The following SLCO3A1 variants were observed in gnomAD, a reference collection of about 807,000 sequenced individuals.
SLCO3A1 encodes the protein PGE1 transporter.
A neutral mutation model predicts 63.1 loss-of-function variants in SLCO3A1; 27 were observed. The observed-to-expected ratio is 0.43, with a 90% CI of 0.32 to 0.59. The LOEUF is 0.59. Among genes scored for constraint, SLCO3A1 ranks in the 20% least tolerant of loss-of-function variants. The pLI is 0.09. For missense variants in SLCO3A1, 773 were observed against 945.8 expected (o/e 0.82, Z 2.40); for synonymous variants, 473 against 409.9 (o/e 1.15, Z -1.86).
At chr15:91,972,660 C>T (rs573202079) in intron 2 of SLCO3A1, among the ~76,000 whole-genome samples, 10 of 152,302 alleles carry the variant, frequency 6.6e-5, no homozygotes, top group South Asian at 2.1e-4. Flanking sequence ...ATCTTCAGTA[C>T]GGTGGATTTA....
At chr15:91,879,269 T>G (rs1897489211) in intron 1 of SLCO3A1, among the ~76,000 whole-genome samples, 1 of 151,758 alleles carries the variant, frequency 6.6e-6, no homozygotes, top group South Asian at 2.1e-4. Flanking sequence ...ACTTACACTG[T>G]GATATGCTTG....
At chr15:91,925,477 T>G (rs910461020) in intron 2 of SLCO3A1, among the ~76,000 whole-genome samples, 5 of 125,844 alleles carry the variant, frequency 4.0e-5, no homozygotes, top group Non-Finnish European at 9.4e-5. Flanking sequence ...AGTACCTTGT[T>G]TTTTTTTTTT....
intron 3 of SLCO3A1, among the ~76,000 whole-genome samples, chr15:92,102,633 G>C (rs1212956254): frequency 6.6e-6 from 1 of 152,162 alleles, no homozygotes; most frequent in Non-Finnish European, 1.5e-5. Context: ...TAGCTATGCA[G>C]AAACATCTGG....
chr15:92,119,972 G>A (rs1368469559), intron 4 of SLCO3A1, among the ~76,000 whole-genome samples: 2 of 151,872 alleles, frequency 1.3e-5, no homozygotes, highest in Non-Finnish European at 2.9e-5. Context: ...TATCTTTCTT[G>A]AAACTGTTAA....
At chr15:91,877,415 A>C (rs1897427086) in intron 1 of SLCO3A1, among the ~76,000 whole-genome samples, 1 of 152,198 alleles carries the variant, frequency 6.6e-6, no homozygotes, top group Non-Finnish European at 1.5e-5. Context: ...GCACTCTTCT[A>C]GATACTGGGG....
At chr15:92,057,910 C>T (rs1266657707) in intron 2 of SLCO3A1, among the ~76,000 whole-genome samples, 1 of 152,158 alleles carries the variant, frequency 6.6e-6, no homozygotes, top group Non-Finnish European at 1.5e-5. Flanking sequence ...TAAACAAAGC[C>T]CAACTCTTTG....
intron 2 of SLCO3A1, among the ~76,000 whole-genome samples, chr15:91,995,277 G>A (rs1362725556): frequency 6.6e-6 from 1 of 152,162 alleles, no homozygotes; most frequent in Non-Finnish European, 1.5e-5. Flanking sequence ...TATCTGACGT[G>A]AGACTTCGGA....
chr15:92,061,282 C>T (rs1243196370), intron 2 of SLCO3A1, among the ~76,000 whole-genome samples: 4 of 152,094 alleles, frequency 2.6e-5, no homozygotes, highest in African/African-American at 9.7e-5. Context: ...ACAGCTCAGC[C>T]CTAATAATAT....
At chr15:92,051,503 T>C (rs775554488) in intron 2 of SLCO3A1, among the ~76,000 whole-genome samples, 5 of 151,988 alleles carry the variant, frequency 3.3e-5, no homozygotes, top group Non-Finnish European at 2.9e-5. Context: ...GGTTTGAAAG[T>C]GTAATTGAGG....
Position 92,128,477 on chromosome 15 carries a change from C to T in SLCO3A1, c.1500C>T (p.Gly500=), listed in dbSNP as rs776066293. Residue 500 remains glycine (G), a synonymous_variant, in exon 7 of 10, where the codon GGC becomes GGT. Coordinates refer to ENST00000318445, the MANE Select transcript of SLCO3A1 (RefSeq NM_013272.4). ...GITYLSACFA[G]CNSTNLTGCA... Reference sequence around the variant, plus strand: ...CCTACCTGTCTGCCTGCTTTGCTGGCTGCAACAGCACGGTAATGGGATGGG... The same window carrying T: ...CCTACCTGTCTGCCTGCTTTGCTGGTTGCAACAGCACGGTAATGGGATGGG... The T allele has an allele frequency of 6.2e-7, 1 of 1,613,618 alleles. No individual in the cohort carries two copies.
exon 11 of SLCO3A1, chr15:92,171,890 G>C (rs1244848891): frequency 6.6e-7 from 1 of 1,523,262 alleles, no homozygotes. Flanking sequence ...TCTTCCTGGA[G>C]AGAACAGCCC....
At chr15:92,028,311 C>T (rs535410983) in intron 2 of SLCO3A1, among the ~76,000 whole-genome samples, 45 of 152,158 alleles carry the variant, frequency 3.0e-4, no homozygotes, top group Non-Finnish European at 5.3e-4. Flanking sequence ...CATTAGCATC[C>T]TCGGGAAGCC....
rs1426140195 is a variant in SLCO3A1 at position 91,854,004 on chromosome 15, G to A, written c.96G>A (p.Lys32=). Residue 32 remains lysine, a synonymous_variant, in exon 1 of 10, where the codon AAG becomes AAA. Coordinates refer to ENST00000318445, the MANE Select transcript of SLCO3A1 (RefSeq NM_013272.4). The surrounding 1 kb of genome is among the most constrained non-coding windows in gnomAD (Gnocchi z 6.4). ...AGAGGAACAAGAAAAAGAAAAAGAA[G>A]GTGTCCTGCTTTTCCAACATCAAGA... The part of the protein sequence containing the change: ...EAQRNKKKKK[K]VSCFSNIKIF... The A allele has an allele frequency of 9.7e-6, 15 of 1,543,978 alleles. No homozygotes were observed. Among genetic ancestry groups the A allele is most frequent in the Non-Finnish European group, 1.3e-5 (15 of 1,144,494 alleles).
chr15:91,899,223 G>A (rs1332611142), intron 1 of SLCO3A1, among the ~76,000 whole-genome samples: 3 of 152,194 alleles, frequency 2.0e-5, no homozygotes. Context: ...AACCTCTGAT[G>A]TAGAACAGGG....
chr15:91,881,638 G>C lies in SLCO3A1; in HGVS notation c.180+27550G>C, dbSNP rs1427624214. ...TTAAAAGCCACTCAGAGAAACCGTT[G>C]GATCAGAAGCTTTTAATACCAACAG... On this transcript the variant is annotated intron_variant, in intron 1 of 9. Coordinates refer to ENST00000318445, the MANE Select transcript of SLCO3A1 (RefSeq NM_013272.4). 2.6e-5 allele frequency among the ~76,000 whole-genome samples: 4 copies of C among 152,214 alleles called. No individual in the cohort carries two copies. The South Asian group carries it at 8.3e-4, about 32-fold the overall frequency.
chr15:92,089,055 T>C (rs2047440218), intron 2 of SLCO3A1, among the ~76,000 whole-genome samples: 4 of 152,072 alleles, frequency 2.6e-5, no homozygotes, highest in Middle Eastern at 6.8e-3. Context: ...AGATGGAGTC[T>C]GTCTCTGTCG....
chr15:92,119,428 C>A (rs1247406205), intron 4 of SLCO3A1, among the ~76,000 whole-genome samples: 1 of 152,134 alleles, frequency 6.6e-6, no homozygotes, highest in Non-Finnish European at 1.5e-5. Flanking sequence ...GCACTTTTGC[C>A]CATCACCAGC....
chr15:91,887,771 A>G (rs545102296), intron 1 of SLCO3A1, among the ~76,000 whole-genome samples: 25 of 152,202 alleles, frequency 1.6e-4, no homozygotes, highest in Non-Finnish European at 2.6e-4. Flanking sequence ...TAGGTTTAAA[A>G]TATCATTCTG....
chr15:92,165,869 A>G lies in SLCO3A1; in HGVS notation c.*2734A>G. On this transcript the variant is annotated 3_prime_UTR_variant, in exon 10 of 10. Coordinates refer to ENST00000318445, the MANE Select transcript of SLCO3A1 (RefSeq NM_013272.4). ...AAGATCATTGGATTTACAGAATACA[A>G]AAATGTACGGGATGGAATAAACCTA... 2.0e-6 allele frequency: 2 copies of G among 985,388 alleles called. No homozygotes were observed. The highest frequency in any genetic ancestry group is 2.4e-6 in the Non-Finnish European group (2 of 829,882). 61.0% of individuals were successfully genotyped at this position (985,388 alleles called of 1,614,324 possible). A position where few individuals can be genotyped will look rare whatever the true frequency, so the allele number is the denominator to read the frequency against.
Sources: allele counts gnomAD v4.1 joint callset (sites outside exome capture counted in the v4.1 genomes callset), GRCh38; gene constraint gnomAD v4.1.1; non-coding constraint Gnocchi (gnomAD v3.1); transcripts MANE v1.5; gene names NCBI Gene and HGNC (gene_info 2026-07-23, HGNC 2026-07-21).